The following RASGRF2 variants were observed in gnomAD, a reference collection of about 807,000 sequenced individuals.
The protein encoded by RASGRF2 is ras-specific guanine nucleotide-releasing factor 2.
A neutral mutation model predicts 151.0 loss-of-function variants in RASGRF2; 76 were observed. The observed-to-expected ratio is 0.50, with a 90% CI of 0.42 to 0.61. RASGRF2 has a LOEUF of 0.61. Among genes scored for constraint, RASGRF2 ranks in the 20% least tolerant of loss-of-function variants. The pLI is 0.00. For missense variants in RASGRF2, 1,148 were observed against 1,564.6 expected (o/e 0.73, Z 4.49); for synonymous variants, 504 against 566.5 (o/e 0.89, Z 1.57).
At chr5:81,017,738 C>T (rs911671651) in intron 1 of RASGRF2, among the ~76,000 whole-genome samples, 1 of 152,118 alleles carries the variant, frequency 6.6e-6, no homozygotes, top group African/African-American at 2.4e-5. Flanking sequence ...TGGTAAACAC[C>T]AGTCACTGAG....
intron 1 of RASGRF2, among the ~76,000 whole-genome samples, chr5:81,007,945 G>C (rs932928221): frequency 2.0e-5 from 3 of 152,036 alleles, no homozygotes; most frequent in African/African-American, 7.2e-5. Flanking sequence ...GGCAGTTATG[G>C]AAGGGTTCCA....
chr5:81,055,456 C>G (rs1191985766), intron 2 of RASGRF2, among the ~76,000 whole-genome samples: 3 of 152,128 alleles, frequency 2.0e-5, no homozygotes, highest in South Asian at 2.1e-4. Flanking sequence ...GTTGAACCAG[C>G]CTTGCATCCC....
At chr5:80,965,216 G>A (rs564124257) in intron 1 of RASGRF2, among the ~76,000 whole-genome samples, 1 of 152,162 alleles carries the variant, frequency 6.6e-6, no homozygotes, top group African/African-American at 2.4e-5. Context: ...AGAGCTGCGT[G>A]CGAACTCTGA....
rs116827490 is a variant in RASGRF2, at chr5:81,176,496, T to A, written c.2687-3679T>A. The stretch of plus-strand genomic sequence containing the variant: ...GTTTAAATTAGAGCTATCTAATAGT[T>A]CTCATATCTGAAATTCTTGGCGGTG... On this transcript the variant is annotated intron_variant, in intron 17 of 26. Coordinates refer to ENST00000265080, the MANE Select transcript of RASGRF2 (RefSeq NM_006909.3). Among the ~76,000 whole-genome samples, 613 of 152,310 alleles carry A rather than the reference T, an allele frequency of 4.0e-3. 8 individuals carry two copies. Among genetic ancestry groups the A allele is most frequent in the African/African-American group, 0.014 (573 of 41,564 alleles).
intron 2 of RASGRF2, among the ~76,000 whole-genome samples, chr5:81,048,729 A>G (rs539738175): frequency 1.3e-5 from 2 of 152,174 alleles, no homozygotes; most frequent in South Asian, 2.1e-4. Context: ...GTTCAAGACA[A>G]ATTTCTACTT....
In RASGRF2 at chr5:81,227,692, GCTCAAAAGCATAGTC is replaced by G. The variant is rs1756027851; in HGVS notation, c.*1925_*1939del. 6.6e-6 allele frequency: 1 copy of G among 152,190 alleles called. No homozygotes were observed. Among genetic ancestry groups the G allele is most frequent in the Admixed American group, 6.5e-5 (1 of 15,276 alleles). 9.4% of individuals were successfully genotyped at this position (152,190 alleles called of 1,614,324 possible). ...AGAAAAGTAAAGGTTAGCTTTCATGGCTCAAAAGCATAGTCCTGAAGGGTGAACTAAAACCGGGAC... is the reference window on the plus strand; with the variant it reads ...AGAAAAGTAAAGGTTAGCTTTCATGGCTGAAGGGTGAACTAAAACCGGGAC... On this transcript the variant is annotated 3_prime_UTR_variant, in exon 27 of 27. Transcript: ENST00000265080.
rs879806380 is a variant in RASGRF2 at position 81,033,249 on chromosome 5, T to A, written c.289-9628T>A. On this transcript the variant is annotated intron_variant, in intron 1 of 26. Transcript: ENST00000265080. Reference sequence around the variant, plus strand: ...AAGGTAATTTATACATTCAATGCCATCCCCATCAAGCTACCAATGACTTTC... The same window carrying A: ...AAGGTAATTTATACATTCAATGCCAACCCCATCAAGCTACCAATGACTTTC... Among the ~76,000 whole-genome samples, 1,309 of 148,086 alleles carry A rather than the reference T, an allele frequency of 8.8e-3. 10 individuals are homozygous for A. The highest frequency in any genetic ancestry group is 0.03 in the South Asian group (141 of 4,646).
chr5:80,971,224 T>A (rs1487513160), intron 1 of RASGRF2, among the ~76,000 whole-genome samples: 1 of 152,198 alleles, frequency 6.6e-6, no homozygotes, highest in Non-Finnish European at 1.5e-5. Context: ...ACCTCATGCC[T>A]ATTCCTCTCC....
intron 24 of RASGRF2, 44 bp downstream of exon 24, chr5:81,215,999 T>C (rs1251670683): frequency 1.4e-6 from 2 of 1,429,928 alleles, no homozygotes; most frequent in African/African-American, 1.5e-5. Context: ...TTCAGAAATA[T>C]ATTTACATAA....
chr5:81,169,120 G>A (rs575349588), intron 17 of RASGRF2, among the ~76,000 whole-genome samples: 1 of 152,268 alleles, frequency 6.6e-6, no homozygotes, highest in East Asian at 1.9e-4. Flanking sequence ...TAGATGTCTA[G>A]AGGCATCTCA....
At chr5:81,002,869 C>G (rs1749122259) in intron 1 of RASGRF2, among the ~76,000 whole-genome samples, 1 of 152,132 alleles carries the variant, frequency 6.6e-6, no homozygotes, top group East Asian at 1.9e-4. Context: ...AATGGCAGAA[C>G]TCACTTTGTT....
rs1161577806 is a variant in RASGRF2, at chr5:81,226,869, T to C, written c.*1099T>C. 1 of 152,158 alleles carries C rather than the reference T, an allele frequency of 6.6e-6. No individual in the cohort carries two copies. Among genetic ancestry groups the C allele is most frequent in the African/African-American group, 2.4e-5 (1 of 41,440 alleles). The allele number at this position is 152,158 out of a possible 1,614,324, so 9.4% of individuals were successfully genotyped here. A position where few individuals can be genotyped will look rare whatever the true frequency, so the allele number is the denominator to read the frequency against. On this transcript the variant is annotated 3_prime_UTR_variant, in exon 27 of 27. Transcript: ENST00000265080. ...ACTGATGTTGAGAGATCTCTGAGAA[T>C]ATTATAAGTGCATGGGAAATGGGCC...
chr5:81,010,093 G>T (rs1171291824), intron 1 of RASGRF2, among the ~76,000 whole-genome samples: 3 of 151,538 alleles, frequency 2.0e-5, no homozygotes, highest in Admixed American at 6.6e-5. Context: ...GAGGTAGGTT[G>T]CAGTGAGCTG....
At chr5:81,224,270 T>C (rs562284298) in intron 26 of RASGRF2, among the ~76,000 whole-genome samples, 97 of 152,276 alleles carry the variant, frequency 6.4e-4, no homozygotes, top group African/African-American at 2.2e-3. Context: ...ACTTATCGGA[T>C]TGACAAAAAT....
chr5:81,200,262 C>G (rs528822079), intron 18 of RASGRF2, among the ~76,000 whole-genome samples: 85 of 148,400 alleles, frequency 5.7e-4, no homozygotes, highest in African/African-American at 1.9e-3. Context: ...CAGAGAGAGA[C>G]CCTGTGATTT....
At chr5:81,035,835 A>G (rs1750471021) in intron 1 of RASGRF2, among the ~76,000 whole-genome samples, 1 of 152,198 alleles carries the variant, frequency 6.6e-6, no homozygotes, top group South Asian at 2.1e-4. Flanking sequence ...GAAAGAGAGA[A>G]TAGGGGGCAT....
intron 1 of RASGRF2, among the ~76,000 whole-genome samples, chr5:81,030,948 G>A (rs567257025): frequency 6.6e-6 from 1 of 152,314 alleles, no homozygotes; most frequent in South Asian, 2.1e-4. Context: ...TAAAGGGATG[G>A]AGGAAGATCT....
At chr5:81,204,450 T>C (rs1419959038) in intron 19 of RASGRF2, 2 of 152,188 alleles carry the variant, frequency 1.3e-5, no homozygotes, top group African/African-American at 4.8e-5. Flanking sequence ...GTTACATTAA[T>C]GCAATAAAGC....
chr5:81,028,760 G>A (rs1365740281), intron 1 of RASGRF2, among the ~76,000 whole-genome samples: 3 of 152,214 alleles, frequency 2.0e-5, no homozygotes, highest in Non-Finnish European at 2.9e-5. Context: ...GGTGATTTCT[G>A]CATTTCCAAC....
Sources: gnomAD v4.1 joint callset for allele counts (sites outside exome capture counted in the v4.1 genomes callset) on GRCh38, gnomAD v4.1.1 for gene constraint, MANE v1.5 for transcripts, NCBI Gene and HGNC (gene_info 2026-07-23, HGNC 2026-07-21) for gene names.